Variants in SLC39A8 observed in about 807,000 individuals in gnomAD.
The protein encoded by SLC39A8 is metal cation symporter ZIP8.
In SLC39A8, 15 loss-of-function variants were observed where a neutral mutation model predicts 40.4. The ratio of observed to expected loss-of-function variants is 0.37; its 90% CI spans 0.25 to 0.57. SLC39A8 has a LOEUF of 0.57. Among genes scored for constraint, SLC39A8 ranks in the 20% least tolerant of loss-of-function variants. SLC39A8 has a pLI of 0.75. For missense variants in SLC39A8, 472 were observed against 558.8 expected, an observed-to-expected ratio of 0.84 and a Z score of 1.57; for synonymous variants, 223 against 221.6, an observed-to-expected ratio of 1.01 and a Z score of -0.06.
rs1311582388 is a variant in SLC39A8 at position 102,263,101 on chromosome 4, A to G, written c.1326T>C (p.Thr442=). Residue 442 remains threonine (T), a synonymous_variant, in exon 9 of 9, where the codon ACT becomes ACC. Coordinates refer to ENST00000356736, the MANE Select transcript of SLC39A8 (RefSeq NM_001135146.2). Reference sequence around the variant, plus strand: ...TAATGAGTAGAATGGCTGTGAATCCAGTTAACATTCCAGCATTCTGAATCA... The same window carrying G: ...TAATGAGTAGAATGGCTGTGAATCCGGTTAACATTCCAGCATTCTGAATCA... ...FFMIQNAGML[T]GFTAILLITL... The G allele has an allele frequency of 6.2e-7, 1 of 1,613,688 alleles. No homozygotes were observed. The highest frequency in any genetic ancestry group is 8.5e-7 in the Non-Finnish European group (1 of 1,179,774).
At chr4:102,258,166 G>A (rs1483559049), downstream of SLC39A8, among the ~76,000 whole-genome samples, 1 of 150,824 alleles carries the variant, frequency 6.6e-6, no homozygotes, top group Non-Finnish European at 1.5e-5. Context: ...GTGCAGTGGC[G>A]CGATCTCGGC....
intron 6 of SLC39A8, among the ~76,000 whole-genome samples, chr4:102,290,742 T>A (rs1440164858): frequency 6.6e-6 from 1 of 152,108 alleles, no homozygotes; most frequent in Admixed American, 6.6e-5. Context: ...TCATCGCTAG[T>A]CAACGTGAAC....
At chr4:102,328,960 G>A (rs926384068) in intron 2 of SLC39A8, among the ~76,000 whole-genome samples, 10 of 151,784 alleles carry the variant, frequency 6.6e-5, no homozygotes, top group East Asian at 5.8e-4. Flanking sequence ...CCCGGGAGGC[G>A]GAGCTTGCAG....
At chr4:102,292,026 G>C (rs1294209970) in intron 6 of SLC39A8, among the ~76,000 whole-genome samples, 1 of 151,934 alleles carries the variant, frequency 6.6e-6, no homozygotes, top group Non-Finnish European at 1.5e-5. Context: ...TAGAATGTTT[G>C]ATACCAGAGG....
intron 6 of SLC39A8, among the ~76,000 whole-genome samples, chr4:102,297,555 AT>A (rs1425030426): frequency 6.6e-6 from 1 of 152,086 alleles, no homozygotes; most frequent in Non-Finnish European, 1.5e-5. Context: ...GAGGAAAAAA[AT>A]AACACCTTGA....
intron 6 of SLC39A8, among the ~76,000 whole-genome samples, chr4:102,289,674 T>A (rs233812): frequency 0.17 from 25,487 of 152,076 alleles, 2,507 homozygotes; most frequent in Middle Eastern, 0.23. Context: ...AACTTTGAGG[T>A]GTTCAAGAAT....
chr4:102,275,630 T>C (rs1333665345), intron 6 of SLC39A8, among the ~76,000 whole-genome samples: 1 of 152,020 alleles, frequency 6.6e-6, no homozygotes, highest in Non-Finnish European at 1.5e-5. Flanking sequence ...TGGACCAAGC[T>C]GACCTAATAG....
intron 11 of SLC39A8, among the ~76,000 whole-genome samples, chr4:102,253,958 C>T (rs1489738311): frequency 2.0e-5 from 3 of 152,130 alleles, no homozygotes; most frequent in South Asian, 4.1e-4. Flanking sequence ...ACCCCCAACA[C>T]ATATTTACAC....
At chr4:102,320,186 T>G (rs1252009636) in intron 2 of SLC39A8, among the ~76,000 whole-genome samples, 1 of 95,552 alleles carries the variant, frequency 1.0e-5, no homozygotes, top group Non-Finnish European at 2.3e-5. Context: ...TATATATATA[T>G]ATATGTATAT....
intron 8 of SLC39A8, among the ~76,000 whole-genome samples, chr4:102,266,676 C>T (rs889548237): frequency 1.3e-5 from 2 of 151,848 alleles, no homozygotes; most frequent in African/African-American, 4.8e-5. Flanking sequence ...GGCACAATCT[C>T]GGCTCACAGC....
chr4:102,322,238 G>C (rs1285718199), intron 2 of SLC39A8, among the ~76,000 whole-genome samples: 1 of 152,132 alleles, frequency 6.6e-6, no homozygotes, highest in Admixed American at 6.6e-5. Flanking sequence ...TGTGAAAGAA[G>C]GCTAACTAAG....
chr4:102,292,599 T>C (rs967360246), intron 6 of SLC39A8, among the ~76,000 whole-genome samples: 2 of 152,108 alleles, frequency 1.3e-5, no homozygotes, highest in African/African-American at 2.4e-5. Context: ...TGATAAGTGC[T>C]TATAAATCTG....
chr4:102,294,672 C>T (rs370642116), intron 6 of SLC39A8, among the ~76,000 whole-genome samples: 3 of 151,964 alleles, frequency 2.0e-5, no homozygotes, highest in African/African-American at 7.2e-5. Context: ...ATAGAAGCAA[C>T]CCTTATTGCA....
downstream of SLC39A8, among the ~76,000 whole-genome samples, chr4:102,259,708 C>T (rs1731794524): frequency 6.6e-6 from 1 of 152,188 alleles, no homozygotes; most frequent in Admixed American, 6.5e-5. Flanking sequence ...CTTAGTAGGG[C>T]CCTACCTAGC....
intron 2 of SLC39A8, among the ~76,000 whole-genome samples, chr4:102,328,816 G>A (rs1735326980): frequency 6.6e-6 from 1 of 152,088 alleles, no homozygotes; most frequent in Non-Finnish European, 1.5e-5. Context: ...ACGAGGTCAG[G>A]AGATCGAGAC....
At chr4:102,314,006 T>A (rs945114612) in intron 3 of SLC39A8, among the ~76,000 whole-genome samples, 1 of 152,072 alleles carries the variant, frequency 6.6e-6, no homozygotes, top group Admixed American at 6.6e-5. Flanking sequence ...CCTGTCTACC[T>A]GTGTATGTCA....
At chr4:102,337,844 TA>T (rs1179106240) in intron 2 of SLC39A8, among the ~76,000 whole-genome samples, 1 of 152,138 alleles carries the variant, frequency 6.6e-6, no homozygotes, top group East Asian at 1.9e-4. Flanking sequence ...TATAGTCCCT[TA>T]AAAAAATTCA....
chr4:102,317,490 G>C (rs529341729), intron 2 of SLC39A8, among the ~76,000 whole-genome samples: 52 of 152,194 alleles, frequency 3.4e-4, no homozygotes, highest in Admixed American at 1.0e-3. Context: ...CTTTAGCTCA[G>C]AATGATGTAT....
chr4:102,337,208 A>G (rs1735704415), intron 2 of SLC39A8, among the ~76,000 whole-genome samples: 1 of 150,416 alleles, frequency 6.6e-6, no homozygotes, highest in African/African-American at 2.5e-5. Flanking sequence ...AATCCCTACT[A>G]CCACCAAAAG....
Sources: gnomAD v4.1 joint callset for allele counts (sites outside exome capture counted in the v4.1 genomes callset) on GRCh38, gnomAD v4.1.1 for gene constraint, MANE v1.5 for transcripts, NCBI Gene and HGNC (gene_info 2026-07-23, HGNC 2026-07-21) for gene names.